The following SLC41A1 variants were observed in gnomAD, a reference collection of about 807,000 sequenced individuals.
The protein encoded by SLC41A1 is solute carrier family 41 member 1, also known as solute carrier family 41 (magnesium transporter), member 1.
Under a neutral mutation model 47.3 loss-of-function variants are expected in SLC41A1, and 20 were observed. The observed-to-expected ratio is 0.42, with a 90% CI of 0.30 to 0.61. SLC41A1 has a LOEUF of 0.61. SLC41A1 is among the 20% of genes least tolerant of loss of function. The probability of loss-of-function intolerance (pLI) is 0.17; values close to 1 mark genes in which losing one functional copy is unlikely to be tolerated. For synonymous variants in SLC41A1, 282 were observed against 272.7 expected, an observed-to-expected ratio of 1.03 and a Z score of -0.34; for missense variants, 504 against 674.1, an observed-to-expected ratio of 0.75 and a Z score of 2.79.
intron 2 of SLC41A1, chr1:205,801,343 G>A: frequency 2.5e-6 from 1 of 402,058 alleles, no homozygotes; most frequent in South Asian, 2.1e-5. Flanking sequence ...CCTGGAGGTG[G>A]GTGGGGAAGG....
intron 2 of SLC41A1, among the ~76,000 whole-genome samples, chr1:205,803,504 G>C (rs1655938499): frequency 1.3e-5 from 2 of 152,082 alleles, no homozygotes; most frequent in Admixed American, 1.3e-4. Context: ...CCTTAAAAAG[G>C]AAGGAAATCC....
At chr1:205,798,546 T>G in intron 6 of SLC41A1, 123 bp downstream of exon 6, 2 of 1,414,820 alleles carry the variant, frequency 1.4e-6, no homozygotes, top group Non-Finnish European at 2.0e-6. Context: ...CAGGAATTAT[T>G]ACAACCTGTG....
chr1:205,791,839 A>C lies in SLC41A1; in HGVS notation c.1357-121T>G, dbSNP rs774101193. The C allele has an allele frequency of 1.2e-4, 153 of 1,283,642 alleles. No homozygotes were observed. The highest frequency in any genetic ancestry group is 1.7e-4 in the Non-Finnish European group (151 of 907,806). 79.5% of individuals were successfully genotyped at this position (1,283,642 alleles called of 1,614,324 possible). ...TGGCTGGCCATAATCCTTACTTTTTAATCTTCCTCTTTCCACCCCAGCAAC... is the reference window on the plus strand; with the variant it reads ...TGGCTGGCCATAATCCTTACTTTTTCATCTTCCTCTTTCCACCCCAGCAAC... On this transcript the variant is annotated intron_variant, in intron 10 of 10. Transcript: ENST00000367137. The surrounding 1 kb of genome is among the most constrained non-coding windows in gnomAD (Gnocchi z 4.0).
chr1:205,810,735 G>T lies in SLC41A1; in HGVS notation c.-294C>A, dbSNP rs1479892282. ...CACCAGCTCTGTGCTTGAAGAAAAA[G>T]TATCTGTCCTCTTATCTTCTTTGGT... On this transcript the variant is annotated 5_prime_UTR_variant, in exon 2 of 11. Transcript: ENST00000367137. The surrounding 1 kb of genome is among the most constrained non-coding windows in gnomAD (Gnocchi z 5.5). The T allele has an allele frequency of 4.2e-6, 2 of 479,376 alleles. No homozygotes were observed. The highest frequency in any genetic ancestry group is 3.9e-5 in the African/African-American group (2 of 51,312). 29.7% of individuals were successfully genotyped at this position (479,376 alleles called of 1,614,324 possible). A position where few individuals can be genotyped will look rare whatever the true frequency, so the allele number is the denominator to read the frequency against.
At chr1:205,804,544 G>A (rs1054101563) in intron 2 of SLC41A1, among the ~76,000 whole-genome samples, 1 of 152,130 alleles carries the variant, frequency 6.6e-6, no homozygotes, top group Non-Finnish European at 1.5e-5. Context: ...GGCAGCCCCA[G>A]TGAGCCCCAT....
At position 205,798,990 on chromosome 1, in the gene SLC41A1, C is replaced by T. The variant is rs1466143973; in HGVS notation, c.664G>A (p.Val222Met). ...PHAFLLCASS[V>M]ATAFIASLVL... ...AGGGAGGCAATGAAGGCTGTGGCCA[C>T]GCTGCTAGCACAGAGCAGGAAGGCG... Residue 222 changes from valine to methionine, a missense_variant, in exon 5 of 11, where the codon GTG becomes ATG. This residue lies in a region of SLC41A1 where 421 missense variants were observed against 601.6 expected (regional missense o/e 0.70). Coordinates refer to ENST00000367137, the MANE Select transcript of SLC41A1 (RefSeq NM_173854.6). 7.4e-6 allele frequency: 12 copies of T among 1,613,982 alleles called. No homozygotes were observed. The highest frequency in any genetic ancestry group is 1.3e-5 in the African/African-American group (1 of 74,924).
intron 2 of SLC41A1, among the ~76,000 whole-genome samples, chr1:205,808,325 G>A (rs944637060): frequency 2.0e-5 from 3 of 152,292 alleles, no homozygotes; most frequent in Middle Eastern, 3.4e-3. Context: ...AGTGGTGTGG[G>A]CTCTAGGGTC....
At chr1:205,795,207 T>C in intron 9 of SLC41A1, 137 bp downstream of exon 9, 1 of 1,489,772 alleles carries the variant, frequency 6.7e-7, no homozygotes, top group Non-Finnish European at 9.2e-7. Context: ...GCCTGGGCTC[T>C]GCCCTTCAGA....
At chr1:205,799,890 C>T in intron 3 of SLC41A1, 60 bp from the exon 4 acceptor site, 2 of 1,438,826 alleles carry the variant, frequency 1.4e-6, no homozygotes, top group Non-Finnish European at 2.0e-6. Flanking sequence ...AAGCTCCATC[C>T]ATTAGGCTCC....
Position 205,791,755 on chromosome 1 carries a change from C to T in SLC41A1, c.1357-37G>A, listed in dbSNP as rs759010138. ...AAAGGGCCCAGCCTATAGCCATCCT[C>T]TCTCTCCAGGGGGAGCCAGAGGCCA... is the stretch of plus-strand genomic sequence containing the variant. On this transcript the variant is annotated intron_variant, in intron 10 of 10. Transcript: ENST00000367137. This position sits in a 1 kb window ranked among gnomAD's most constrained non-coding sequence, Gnocchi z 4.0. 2 of 1,609,098 alleles carry T rather than the reference C, an allele frequency of 1.2e-6. No homozygotes were observed. Among genetic ancestry groups the T allele is most frequent in the South Asian group, 1.1e-5 (1 of 90,426 alleles).
Position 205,810,334 on chromosome 1 carries a change from G to A in SLC41A1, c.108C>T (p.Thr36=). 3.1e-6 allele frequency: 5 copies of A among 1,614,122 alleles called. No individual in the cohort carries two copies. The highest frequency in any genetic ancestry group is 4.2e-6 in the Non-Finnish European group (5 of 1,180,032). ...CCCCATCAGGCCCCAGGAACTCTGA[G>A]GTCCCAGCCAAGGGCTCTCTCCCTG... is the stretch of plus-strand genomic sequence containing the variant. The part of the protein sequence containing the change: ...DGPGREPLAG[T]SEFLGPDGAG... The change falls in exon 2 of 11, where the codon ACC becomes ACT. Residue 36 remains threonine, a synonymous_variant. Coordinates refer to ENST00000367137, the MANE Select transcript of SLC41A1 (RefSeq NM_173854.6). This position sits in a 1 kb window ranked among gnomAD's most constrained non-coding sequence, Gnocchi z 5.5.
intron 7 of SLC41A1, 88 bp downstream of exon 7, chr1:205,797,816 A>C: frequency 6.5e-7 from 1 of 1,538,424 alleles, no homozygotes; most frequent in South Asian, 1.1e-5. Flanking sequence ...CTAGGGTCTG[A>C]CCCCCACCCC....
chr1:205,807,202 C>T (rs1338351535), intron 2 of SLC41A1, among the ~76,000 whole-genome samples: 1 of 152,226 alleles, frequency 6.6e-6, no homozygotes, highest in African/African-American at 2.4e-5. Context: ...ATAACAATCT[C>T]CCTGTGGTCC....
In SLC41A1 at chr1:205,796,947, G is replaced by A. The variant is rs1305279636; in HGVS notation, c.1049C>T (p.Ala350Val). ...TVSDPNFAGM[A>V]VFTPVINGVG... ...ACCATTAATCACAGGCGTGAAGACA[G>A]CCATCCCAGCAAAGTTGGGGTCTGA... The change falls in exon 8 of 11, where the codon GCT (alanine) becomes GTT (valine). Residue 350 changes from alanine to valine, a missense_variant. Ala to Val is a moderately conservative substitution (Grantham distance 64, BLOSUM62 0). Coordinates refer to ENST00000367137, the MANE Select transcript of SLC41A1 (RefSeq NM_173854.6). 1.2e-5 allele frequency: 19 copies of A among 1,613,180 alleles called. No individual in the cohort carries two copies. The highest frequency in any genetic ancestry group is 1.6e-5 in the Non-Finnish European group (19 of 1,179,726).
In SLC41A1 at chr1:205,809,985, G is replaced by T; in HGVS notation, c.372+85C>A. ...AGGAAGCAGCAGCCACTTCTGACAG[G>T]GAGGTAGAGAGGAAGTTCCAAGTTT... On this transcript the variant is annotated intron_variant, in intron 2 of 10. Coordinates refer to ENST00000367137, the MANE Select transcript of SLC41A1 (RefSeq NM_173854.6). 4.4e-6 allele frequency: 7 copies of T among 1,581,638 alleles called. No individual in the cohort carries two copies. In the South Asian group the frequency reaches 7.9e-5, roughly 18 times the overall value.
chr1:205,800,889 G>A (rs1655863066), intron 3 of SLC41A1, 64 bp downstream of exon 3: 1 of 1,463,032 alleles, frequency 6.8e-7, no homozygotes, highest in Admixed American at 1.7e-5. Context: ...CCCTCTCCCA[G>A]TCTCTGGCTC....
chr1:205,791,498 G>A lies in SLC41A1; in HGVS notation c.*35C>T. ...ACAAAAGAAAAATTTCAAATAGAAA[G>A]TGCAGAGGGATGGGGAAAATGTTGA... On this transcript the variant is annotated 3_prime_UTR_variant, in exon 11 of 11. Transcript: ENST00000367137. The surrounding 1 kb of genome is among the most constrained non-coding windows in gnomAD (Gnocchi z 4.0). The A allele has an allele frequency of 6.2e-7, 1 of 1,613,714 alleles. No homozygotes were observed. Among genetic ancestry groups the A allele is most frequent in the Non-Finnish European group, 8.5e-7 (1 of 1,179,720 alleles).
intron 2 of SLC41A1, among the ~76,000 whole-genome samples, chr1:205,808,237 T>C (rs2102510837): frequency 6.6e-6 from 1 of 152,336 alleles, no homozygotes; most frequent in African/African-American, 2.4e-5. Context: ...ATTACAGGCA[T>C]GAGCCACTGA....
At chr1:205,801,187 A>C (rs1655870453) in intron 2 of SLC41A1, 127 bp from the exon 3 acceptor site, 2 of 740,380 alleles carry the variant, frequency 2.7e-6, no homozygotes, top group Non-Finnish European at 4.7e-6. Context: ...CACGCCAGCC[A>C]CCTTTCCTCC....
Sources: allele counts gnomAD v4.1 joint callset (sites outside exome capture counted in the v4.1 genomes callset), GRCh38; gene constraint gnomAD v4.1.1; regional missense constraint gnomAD v4.1.1; non-coding constraint Gnocchi (gnomAD v3.1); transcripts MANE v1.5; gene names NCBI Gene and HGNC (gene_info 2026-07-23, HGNC 2026-07-21).